Variants in ATP9A observed in about 807,000 individuals in gnomAD.
The protein encoded by ATP9A is probable phospholipid-transporting ATPase IIA.
Under a neutral mutation model 144.1 loss-of-function variants are expected in ATP9A, and 52 were observed. The observed-to-expected ratio is 0.36, with a 90% CI of 0.29 to 0.45. The LOEUF (loss-of-function observed/expected upper bound fraction) is 0.45. ATP9A is among the 20% of genes least tolerant of loss of function. The pLI, the probability that ATP9A is intolerant of heterozygous loss-of-function variation, is 1.00. For missense variants in ATP9A, 947 were observed against 1,392.7 expected (o/e 0.68, Z 5.09); for synonymous variants, 582 against 557.4 (o/e 1.04, Z -0.62).
intron 13 of ATP9A, among the ~76,000 whole-genome samples, chr20:51,658,231 G>A (rs570714845): frequency 3.9e-5 from 6 of 152,224 alleles, no homozygotes; most frequent in South Asian, 4.2e-4. Context: ...AGGCCAAGGC[G>A]GGTGGATCAC....
rs180972949 is a variant in ATP9A at position 51,712,380 on chromosome 20, T to C, written c.436+586A>G. 5.3e-5 allele frequency among the ~76,000 whole-genome samples: 8 copies of C among 152,234 alleles called. No homozygotes were observed. The East Asian group carries it at 1.5e-3, about 29-fold the overall frequency. On this transcript the variant is annotated intron_variant, in intron 4 of 27. Transcript: ENST00000338821. ...TGAGCCACTGTACTGGGCCAAAATTTCAATTTTTTGTTTTTGAGCCCAATA... is the reference window on the plus strand; with the variant it reads ...TGAGCCACTGTACTGGGCCAAAATTCCAATTTTTTGTTTTTGAGCCCAATA...
intron 19 of ATP9A, 107 bp from the exon 20 acceptor site, chr20:51,619,150 A>AGGGTCCCTCCCCTCCCCTGCCAC (rs1404024651): frequency 2.2e-6 from 2 of 910,506 alleles, no homozygotes; most frequent in Non-Finnish European, 3.4e-6. Flanking sequence ...ACCCCAGCCA[A>AGGGTCCCTCCCCTCCCCTGCCAC]GGGTCCCTCC....
chr20:51,728,410 T>C (rs2077725092), intron 2 of ATP9A, among the ~76,000 whole-genome samples: 1 of 151,976 alleles, frequency 6.6e-6, no homozygotes, highest in African/African-American at 2.4e-5. Flanking sequence ...GTGGATCACC[T>C]GAGGTCAGGA....
At chr20:51,731,682 G>A (rs2077742088) in intron 1 of ATP9A, among the ~76,000 whole-genome samples, 1 of 151,398 alleles carries the variant, frequency 6.6e-6, no homozygotes, top group African/African-American at 2.4e-5. Flanking sequence ...TCATGCCACT[G>A]CACTCCAGCC....
intron 3 of ATP9A, among the ~76,000 whole-genome samples, chr20:51,725,370 C>A (rs1030773871): frequency 6.6e-6 from 1 of 152,128 alleles, no homozygotes; most frequent in Non-Finnish European, 1.5e-5. Context: ...AATCCTCCCA[C>A]CTCGGCCTCC....
intron 9 of ATP9A, among the ~76,000 whole-genome samples, chr20:51,683,892 CA>C (rs2077511083): frequency 1.3e-5 from 2 of 151,858 alleles, no homozygotes; most frequent in African/African-American, 4.8e-5. Context: ...ATAAACACTC[CA>C]AAAAAAGTCA....
rs567307308 is a variant in ATP9A at position 51,619,262 on chromosome 20, G to C, written c.2116-219C>G. ...CAACCACCACCTACAATTTCCCCCA[G>C]GACTAAAAATGCCTGTACTGGCCAA... is the stretch of plus-strand genomic sequence containing the variant. On this transcript the variant is annotated intron_variant, in intron 19 of 27. Coordinates refer to ENST00000338821, the MANE Select transcript of ATP9A (RefSeq NM_006045.3). Among the ~76,000 whole-genome samples the C allele has an allele frequency of 4.6e-5, 7 of 152,204 alleles. No homozygotes were observed. The South Asian group carries it at 1.5e-3, about 32-fold the overall frequency.
intron 13 of ATP9A, among the ~76,000 whole-genome samples, chr20:51,660,003 A>G (rs1272738677): frequency 6.6e-6 from 1 of 152,236 alleles, no homozygotes; most frequent in Non-Finnish European, 1.5e-5. Flanking sequence ...TTTTAATTAT[A>G]AAGAATTTAA....
chr20:51,710,526 C>G (rs576465303), intron 4 of ATP9A, among the ~76,000 whole-genome samples: 8 of 152,176 alleles, frequency 5.3e-5, no homozygotes, highest in African/African-American at 1.7e-4. Context: ...TGGCCCTCCC[C>G]CCAAAAGCGT....
intron 18 of ATP9A, 42 bp downstream of exon 18, chr20:51,625,149 GC>G: frequency 1.3e-6 from 2 of 1,565,470 alleles, no homozygotes; most frequent in Non-Finnish European, 1.7e-6. Context: ...GGGATAACTG[GC>G]ATTGCCCTGG....
rs1254645379 is a variant in ATP9A at position 51,611,383 on chromosome 20, G to T, written c.2572-1218C>A. Among the ~76,000 whole-genome samples, 1 of 152,212 alleles carries T rather than the reference G, an allele frequency of 6.6e-6. No individual in the cohort carries two copies. Among genetic ancestry groups the T allele is most frequent in the African/African-American group, 2.4e-5 (1 of 41,454 alleles). On this transcript the variant is annotated intron_variant, in intron 23 of 27. Transcript: ENST00000338821. The surrounding 1 kb of genome is among the most constrained non-coding windows in gnomAD (Gnocchi z 4.2). ...GCTTAGGAAGGATGGTTGTAAAAATGTCAAGAATCTGTTGTTTATTTTCCA... is the reference window on the plus strand; with the variant it reads ...GCTTAGGAAGGATGGTTGTAAAAATTTCAAGAATCTGTTGTTTATTTTCCA...
intron 14 of ATP9A, among the ~76,000 whole-genome samples, chr20:51,652,790 C>T (rs963478427): frequency 6.6e-6 from 1 of 151,046 alleles, no homozygotes; most frequent in African/African-American, 2.4e-5. Flanking sequence ...CTGTGCAATA[C>T]AAAATAATAA....
intron 13 of ATP9A, among the ~76,000 whole-genome samples, chr20:51,668,507 T>C (rs996977081): frequency 6.6e-6 from 1 of 151,866 alleles, no homozygotes; most frequent in Non-Finnish European, 1.5e-5. Flanking sequence ...TGAGGGGCCA[T>C]CCGGGGAACA....
chr20:51,734,963 C>A (rs1402722166), intron 1 of ATP9A: 1 of 204,644 alleles, frequency 4.9e-6, no homozygotes, highest in Non-Finnish European at 1.0e-5. Flanking sequence ...TTAGGCTGTG[C>A]TGGCCAAAGG....
intron 1 of ATP9A, among the ~76,000 whole-genome samples, chr20:51,743,305 T>C (rs1336626731): frequency 6.6e-6 from 1 of 151,706 alleles, no homozygotes. Context: ...AACACCAAAC[T>C]GAAACTGGAC....
chr20:51,731,121 T>C (rs1375313695), intron 1 of ATP9A, among the ~76,000 whole-genome samples: 8 of 151,326 alleles, frequency 5.3e-5, no homozygotes, highest in Non-Finnish European at 1.0e-4. Context: ...CTGACCAAGA[T>C]GGTGAAACCC....
Position 51,717,164 on chromosome 20 carries a change from T to C in ATP9A, c.328-4090A>G, listed in dbSNP as rs1218001493. On this transcript the variant is annotated intron_variant, in intron 3 of 27. Coordinates refer to ENST00000338821, the MANE Select transcript of ATP9A (RefSeq NM_006045.3). Reference sequence around the variant, plus strand: ...TCCAGCCTGGGTGACAGAGCAAGACTGCCTCAAAAAAAAAAAAAAAAAAAA... The same window carrying C: ...TCCAGCCTGGGTGACAGAGCAAGACCGCCTCAAAAAAAAAAAAAAAAAAAA... Among the ~76,000 whole-genome samples the C allele has an allele frequency of 4.1e-5, 4 of 97,926 alleles. No homozygotes were observed. The South Asian group carries it at 1.1e-3, about 28-fold the overall frequency. The allele number at this position is 97,926 out of a possible 152,430, so 64.2% of individuals were successfully genotyped here.
chr20:51,652,879 C>T (rs1353096987), intron 14 of ATP9A, among the ~76,000 whole-genome samples: 4 of 152,048 alleles, frequency 2.6e-5, no homozygotes, highest in African/African-American at 7.2e-5. Context: ...GAGGCCAAGG[C>T]GGGCGGATCA....
At chr20:51,607,672 C>A in intron 25 of ATP9A, 88 bp from the exon 26 acceptor site, 1 of 951,506 alleles carries the variant, frequency 1.1e-6, no homozygotes, top group South Asian at 1.4e-5. Context: ...CTCCCGCTAA[C>A]GAGATAAGGC....
Sources: allele counts gnomAD v4.1 joint callset (sites outside exome capture counted in the v4.1 genomes callset), GRCh38; gene constraint gnomAD v4.1.1; non-coding constraint Gnocchi (gnomAD v3.1); transcripts MANE v1.5; gene names NCBI Gene and HGNC (gene_info 2026-07-23, HGNC 2026-07-21).